GALK2: variants seen among roughly 807,000 people sequenced by gnomAD.
GALK2 encodes N-acetylgalactosamine kinase.
In GALK2, 36 loss-of-function variants were observed where a neutral mutation model predicts 52.4. The ratio of observed to expected loss-of-function variants is 0.69; its 90% CI spans 0.53 to 0.91. GALK2 has a LOEUF of 0.91. Ranked by LOEUF, GALK2 falls within the 40% of genes least tolerant of loss-of-function variation. The pLI, the probability that GALK2 is intolerant of heterozygous loss-of-function variation, is 0.00. For synonymous variants in GALK2, 176 were observed against 199.1 expected (o/e 0.88, Z 0.98); for missense variants, 579 against 559.1 (o/e 1.04, Z -0.36).
intron 1 of GALK2, among the ~76,000 whole-genome samples, chr15:49,175,676 T>C (rs1363524896): frequency 1.3e-5 from 2 of 152,174 alleles, no homozygotes; most frequent in Non-Finnish European, 2.9e-5. Context: ...CCTCTCATAT[T>C]GTCTTATGCC....
At chr15:49,223,015 G>C (rs1041959271) in intron 3 of GALK2, 3 of 152,180 alleles carry the variant, frequency 2.0e-5, no homozygotes, top group Non-Finnish European at 4.4e-5. Context: ...CCAGTCTTGG[G>C]CTTTTCTTTG....
intron 8 of GALK2, among the ~76,000 whole-genome samples, chr15:49,313,842 A>G (rs955227086): frequency 6.6e-6 from 1 of 151,960 alleles, no homozygotes; most frequent in African/African-American, 2.4e-5. Flanking sequence ...ACTTAAAATT[A>G]AATCAGTGAA....
chr15:49,282,111 A>T (rs772905489), intron 6 of GALK2, 26 bp downstream of exon 6: 30 of 1,541,436 alleles, frequency 1.9e-5, no homozygotes, highest in Non-Finnish European at 2.6e-5. Context: ...AGTAGGAACC[A>T]TTCAGAAATT....
rs1555428444 is a variant in GALK2 at position 49,299,812 on chromosome 15, G to GTTCTTTCTTTCTTTCTTT, written c.967+7275_967+7276insTTCTTTCTTTCTTTCTTT. The stretch of plus-strand genomic sequence containing the variant: ...CTTTCTTTCGTGCTGTAGTCTGAGA[G>GTTCTTTCTTTCTTTCTTT]CGTGATTGGTATGATTTTTTTTTTA... On this transcript the variant is annotated intron_variant, in intron 8 of 9. Coordinates refer to ENST00000560031, the MANE Select transcript of GALK2 (RefSeq NM_002044.4). Among the ~76,000 whole-genome samples the GTTCTTTCTTTCTTTCTTT allele has an allele frequency of 6.1e-4, 78 of 128,032 alleles. 1 individual carries two copies. The highest frequency in any genetic ancestry group is 8.5e-3 in the Middle Eastern group (2 of 236). The allele number at this position is 128,032 out of a possible 152,430, so 84.0% of individuals were successfully genotyped here.
In GALK2 at chr15:49,283,607, A is replaced by G. The variant is rs966984767; in HGVS notation, c.645A>G (p.Val215=). 3 of 1,613,836 alleles carry G rather than the reference A, an allele frequency of 1.9e-6. No homozygotes were observed. The highest frequency in any genetic ancestry group is 2.7e-5 in the African/African-American group (2 of 74,916). ...IEFSPLRATD[V]KLPSGAVFVI... The stretch of plus-strand genomic sequence containing the variant: ...TTAGTCCTCTGAGGGCAACCGATGT[A>G]AAACTCCCAAGTGGAGCAGTGTTTG... Residue 215 remains valine (V), a synonymous_variant, in exon 7 of 10, where the codon GTA becomes GTG. Transcript: ENST00000560031.
chr15:49,244,883 T>C (rs1252167336), intron 5 of GALK2, among the ~76,000 whole-genome samples: 1 of 152,140 alleles, frequency 6.6e-6, no homozygotes, highest in African/African-American at 2.4e-5. Flanking sequence ...TAATCTGATA[T>C]GTTCAACCAT....
intron 1 of GALK2, among the ~76,000 whole-genome samples, chr15:49,159,474 G>A (rs1420934299): frequency 6.6e-6 from 1 of 151,784 alleles, no homozygotes; most frequent in African/African-American, 2.4e-5. Flanking sequence ...CCAGCTGGAG[G>A]CTGAGGCAGG....
At chr15:49,357,414 T>G (rs1456669847) in intron 3 of GALK2, among the ~76,000 whole-genome samples, 1 of 150,562 alleles carries the variant, frequency 6.6e-6, no homozygotes, top group African/African-American at 2.4e-5. Flanking sequence ...TCACCACCGA[T>G]CCCACAGAAA....
At chr15:49,316,911 C>G (rs573521588) in intron 8 of GALK2, among the ~76,000 whole-genome samples, 1 of 152,272 alleles carries the variant, frequency 6.6e-6, no homozygotes, top group Non-Finnish European at 1.5e-5. Context: ...TTCCTGCTCT[C>G]AAATCTAGAT....
chr15:49,257,844 AT>A (rs1260932439), intron 5 of GALK2, among the ~76,000 whole-genome samples: 3 of 151,394 alleles, frequency 2.0e-5, no homozygotes, highest in Non-Finnish European at 2.9e-5. Flanking sequence ...GTTCCTTAAA[AT>A]TTTTTTAACT....
intron 1 of GALK2, chr15:49,178,256 G>A (rs1355799905): frequency 8.0e-4 from 87 of 108,594 alleles, no homozygotes; most frequent in African/African-American, 2.8e-3. Flanking sequence ...ATGTCTATAT[G>A]TATAAATAAA....
intron 7 of GALK2, among the ~76,000 whole-genome samples, chr15:49,287,029 GA>G (rs2033442130): frequency 6.6e-6 from 1 of 152,228 alleles, no homozygotes; most frequent in South Asian, 2.1e-4. Context: ...TTGTAGTGCT[GA>G]GTCTCTGTAG....
At chr15:49,287,389 A>G (rs2033482033) in intron 7 of GALK2, among the ~76,000 whole-genome samples, 1 of 152,204 alleles carries the variant, frequency 6.6e-6, no homozygotes, top group Non-Finnish European at 1.5e-5. Flanking sequence ...AAATCACTAA[A>G]ATCCCAGGTT....
intron 5 of GALK2, among the ~76,000 whole-genome samples, chr15:49,275,910 CA>C (rs1336753190): frequency 2.0e-5 from 3 of 152,180 alleles, no homozygotes; most frequent in African/African-American, 4.8e-5. Context: ...AGGAAGCCCA[CA>C]AGGCTTTTGT....
At chr15:49,277,748 A>G (rs1467464621) in intron 5 of GALK2, among the ~76,000 whole-genome samples, 1 of 151,028 alleles carries the variant, frequency 6.6e-6, no homozygotes, top group Non-Finnish European at 1.5e-5. Context: ...GTGAGCCGAG[A>G]TTGAGCCACT....
intron 5 of GALK2, among the ~76,000 whole-genome samples, chr15:49,258,784 A>ATGTG (rs1428836072): frequency 6.8e-5 from 7 of 102,706 alleles, no homozygotes; most frequent in African/African-American, 3.4e-4. Context: ...AAGCATATAT[A>ATGTG]TATATATATA....
chr15:49,191,234 G>T (rs1050970331), intron 1 of GALK2, among the ~76,000 whole-genome samples: 1 of 152,102 alleles, frequency 6.6e-6, no homozygotes, highest in Non-Finnish European at 1.5e-5. Flanking sequence ...TCAACATCAG[G>T]CTACTTAGGT....
At chr15:49,175,108 CAT>C (rs1409827088) in intron 1 of GALK2, among the ~76,000 whole-genome samples, 2 of 152,124 alleles carry the variant, frequency 1.3e-5, no homozygotes, top group Admixed American at 6.5e-5. Context: ...AGTGGGTAAA[CAT>C]ATATGTAACA....
intron 9 of GALK2, among the ~76,000 whole-genome samples, chr15:49,321,513 C>A (rs1323749960): frequency 2.0e-5 from 3 of 152,180 alleles, no homozygotes; most frequent in Non-Finnish European, 4.4e-5. Context: ...AAGACGACTC[C>A]TGGGTTTTTG....
Sources: gnomAD v4.1 joint callset for allele counts (sites outside exome capture counted in the v4.1 genomes callset) on GRCh38, gnomAD v4.1.1 for gene constraint, MANE v1.5 for transcripts, NCBI Gene and HGNC (gene_info 2026-07-23, HGNC 2026-07-21) for gene names.